The following BAIAP2 variants were observed in gnomAD, a reference collection of about 807,000 sequenced individuals.
BAIAP2 encodes BAR/IMD domain containing adaptor protein 2, also known as BAR/IMD domain-containing adapter protein 2.
BAIAP2 carries 18 observed loss-of-function variants against 63.0 expected under a neutral mutation model. The observed-to-expected ratio is 0.29, with a 90% CI of 0.20 to 0.42. The LOEUF is 0.42. Among genes scored for constraint, BAIAP2 ranks in the 10% least tolerant of loss-of-function variants. BAIAP2 has a pLI of 1.00. For missense variants in BAIAP2, 610 were observed against 734.3 expected (o/e 0.83, Z 1.96); for synonymous variants, 386 against 307.6 (o/e 1.25, Z -2.67).
chr17:81,045,214 G>A (rs775000056), intron 1 of BAIAP2, among the ~76,000 whole-genome samples: 6 of 152,218 alleles, frequency 3.9e-5, no homozygotes, highest in Non-Finnish European at 7.3e-5. Flanking sequence ...AGTTGAGGAC[G>A]CCAGGGGAAA....
intron 13 of BAIAP2, chr17:81,109,710 A>G (rs2059666349): frequency 1.0e-6 from 1 of 985,400 alleles, no homozygotes; most frequent in South Asian, 4.7e-5. Flanking sequence ...AGCGCGGCAC[A>G]GTGGCCTCAC....
At chr17:81,070,005 A>G (rs1248782010) in intron 3 of BAIAP2, among the ~76,000 whole-genome samples, 2 of 152,036 alleles carry the variant, frequency 1.3e-5, no homozygotes, top group Non-Finnish European at 2.9e-5. Flanking sequence ...TCTGTCACTC[A>G]GGCTAGAGTG....
intron 3 of BAIAP2, among the ~76,000 whole-genome samples, chr17:81,060,858 C>G (rs2050425244): frequency 6.6e-6 from 1 of 152,064 alleles, no homozygotes; most frequent in Non-Finnish European, 1.5e-5. Flanking sequence ...CGCGGTGGCT[C>G]ACACCTGTAA....
At chr17:81,088,349 C>T (rs2056087231) in intron 6 of BAIAP2, among the ~76,000 whole-genome samples, 1 of 152,256 alleles carries the variant, frequency 6.6e-6, no homozygotes, top group Non-Finnish European at 1.5e-5. Context: ...GAGCTCCCTT[C>T]TGCCCTCGAG....
chr17:81,066,179 G>A (rs1236831118), intron 3 of BAIAP2, among the ~76,000 whole-genome samples: 1 of 152,338 alleles, frequency 6.6e-6, no homozygotes, highest in East Asian at 1.9e-4. Context: ...CTGTGTACCC[G>A]CTGGTGCCCA....
chr17:81,081,613 T>C (rs9894597), intron 3 of BAIAP2, among the ~76,000 whole-genome samples: 145,164 of 152,286 alleles, frequency 0.95, 69,234 homozygotes, highest in East Asian at 1. Flanking sequence ...AATTCTGTCC[T>C]CTTTGTCCTT....
chr17:81,074,409 T>G (rs899953878), intron 3 of BAIAP2, among the ~76,000 whole-genome samples: 7 of 144,796 alleles, frequency 4.8e-5, no homozygotes, highest in African/African-American at 1.8e-4. Flanking sequence ...TGTGCGTGCA[T>G]GGATGCGTGT....
rs536476762 is a variant in BAIAP2, at chr17:81,061,333, A to C, written c.217+3366A>C. Among the ~76,000 whole-genome samples, 6 of 152,290 alleles carry C rather than the reference A, an allele frequency of 3.9e-5. No individual in the cohort carries two copies. The South Asian group carries it at 1.2e-3, about 32-fold the overall frequency. ...TTGTACAACTTCATCGAGGTGTCTG[A>C]GTGTCCAGTGTGATGAGTTTTGACG... On this transcript the variant is annotated intron_variant, in intron 3 of 13. Coordinates refer to ENST00000428708, the MANE Select transcript of BAIAP2 (RefSeq NM_001144888.2).
chr17:81,042,696 G>A (rs912620407), intron 1 of BAIAP2, among the ~76,000 whole-genome samples: 1 of 152,006 alleles, frequency 6.6e-6, no homozygotes, highest in African/African-American at 2.4e-5. Flanking sequence ...CCGGAAAACA[G>A]CGACATCTTG....
At chr17:81,093,569 C>T (rs955989171) in intron 6 of BAIAP2, among the ~76,000 whole-genome samples, 1 of 152,056 alleles carries the variant, frequency 6.6e-6, no homozygotes, top group African/African-American at 2.4e-5. Context: ...ACCATGGGGG[C>T]TCCGTAGCAC....
chr17:81,106,763 C>T lies in BAIAP2; in HGVS notation c.1356C>T (p.Ser452=). ...CCTACAGCCTGCAGCAAGGGAAGAG[C>T]AGCAGCACGGGCAACCTCCTGGACA... is the stretch of plus-strand genomic sequence containing the variant. The part of the protein sequence containing the change: ...RLHMSLQQGK[S]SSTGNLLDKD... The change falls in exon 12 of 14, where the codon AGC becomes AGT. Residue 452 remains serine (S), a synonymous_variant. Coordinates refer to ENST00000428708, the MANE Select transcript of BAIAP2 (RefSeq NM_001144888.2). 1.2e-6 allele frequency: 2 copies of T among 1,612,638 alleles called. No homozygotes were observed. The highest frequency in any genetic ancestry group is 1.7e-6 in the Non-Finnish European group (2 of 1,179,800).
At chr17:81,054,665 C>T (rs988636812) in intron 2 of BAIAP2, among the ~76,000 whole-genome samples, 5 of 152,142 alleles carry the variant, frequency 3.3e-5, no homozygotes, top group African/African-American at 1.2e-4. Context: ...GAGCGAACGC[C>T]CTGCAGCTCC....
chr17:81,057,973 A>ACACCC lies in BAIAP2; in HGVS notation c.217+7_217+8insACCCC. 1.3e-6 allele frequency: 1 copy of ACACCC among 764,944 alleles called. No individual in the cohort carries two copies. Among genetic ancestry groups the ACACCC allele is most frequent in the Non-Finnish European group, 1.7e-6 (1 of 586,534 alleles). The allele number at this position is 764,944 out of a possible 1,614,324, so 47.4% of individuals were successfully genotyped here. On this transcript the variant is annotated splice_region_variant and intron_variant, in intron 3 of 13. Coordinates refer to ENST00000428708, the MANE Select transcript of BAIAP2 (RefSeq NM_001144888.2). ...CCAGGGCTCCAAAGAACTCGGTGAG[A>ACACCC]CCCCCCCCCCCCCCCCGCCTGGTAG...
At chr17:81,117,431 A>ATAAC (rs1490767874) in exon 14 of BAIAP2, 1 of 152,428 alleles carries the variant, frequency 6.6e-6, no homozygotes, top group East Asian at 1.9e-4. Context: ...TTTGGCAACA[A>ATAAC]TAACTTAAAA....
chr17:81,108,627 C>A (rs2059467640), intron 13 of BAIAP2, 118 bp downstream of exon 13: 1 of 1,336,160 alleles, frequency 7.5e-7, no homozygotes, highest in South Asian at 1.2e-5. Context: ...CCAGCCTGGC[C>A]CTTCACCCCT....
At chr17:81,109,376 AAAAAAAAAAAAAAAAAAAAG>A in intron 13 of BAIAP2, 1 of 206,902 alleles carries the variant, frequency 4.8e-6, no homozygotes, top group Non-Finnish European at 5.5e-6. Flanking sequence ...AAATCTTAAA[AAAAAAAAAAAAAAAAAAAAG>A]AAAAAAAGAA....
chr17:81,091,068 G>A (rs1167170101), intron 6 of BAIAP2, among the ~76,000 whole-genome samples: 4 of 24,398 alleles, frequency 1.6e-4, no homozygotes, highest in Admixed American at 4.5e-4. Context: ...GTGTGGACCC[G>A]CCCCCACTTG....
At chr17:81,085,775 T>G (rs781502450) in intron 5 of BAIAP2, 50 bp downstream of exon 5, 2 of 1,455,136 alleles carry the variant, frequency 1.4e-6, no homozygotes, top group Non-Finnish European at 9.6e-7. Context: ...GGGCTCCGGC[T>G]CTCCCAAATG....
rs763397944 is a variant in BAIAP2, at chr17:81,106,781, C to A, written c.1374C>A (p.Leu458=). ...GGAAGAGCAGCAGCACGGGCAACCT[C>A]CTGGACAAGGACGACCTGGCCATCC... ...QQGKSSSTGN[L]LDKDDLAIPP... The change falls in exon 12 of 14, where the codon CTC becomes CTA. Residue 458 remains leucine (L), a synonymous_variant. Coordinates refer to ENST00000428708, the MANE Select transcript of BAIAP2 (RefSeq NM_001144888.2). 1.2e-5 allele frequency: 20 copies of A among 1,612,468 alleles called. No individual in the cohort carries two copies. Among genetic ancestry groups the A allele is most frequent in the South Asian group, 3.3e-5 (3 of 91,078 alleles).
Sources: gnomAD v4.1 joint callset for allele counts (sites outside exome capture counted in the v4.1 genomes callset) on GRCh38, gnomAD v4.1.1 for gene constraint, MANE v1.5 for transcripts, NCBI Gene and HGNC (gene_info 2026-07-23, HGNC 2026-07-21) for gene names.